The following ASPM variants were observed in gnomAD, a reference collection of about 807,000 sequenced individuals.
The protein encoded by ASPM is abnormal spindle-like microcephaly-associated protein.
Under a neutral mutation model 366.4 loss-of-function variants are expected in ASPM, and 256 were observed. That is an observed-to-expected ratio of 0.70 (90% CI 0.63 to 0.77). ASPM has a LOEUF of 0.77. Among genes scored for constraint, ASPM ranks in the 30% least tolerant of loss-of-function variants. The pLI, the probability that ASPM is intolerant of heterozygous loss-of-function variation, is 0.00. For missense variants in ASPM, 4,146 were observed against 4,090.4 expected, an observed-to-expected ratio of 1.01 and a Z score of -0.37; for synonymous variants, 1,414 against 1,342.9, an observed-to-expected ratio of 1.05 and a Z score of -1.16.
At chr1:197,093,336 T>C in intron 20 of ASPM, 75 bp from the exon 21 acceptor site, 4 of 1,146,648 alleles carry the variant, frequency 3.5e-6, no homozygotes, top group Non-Finnish European at 5.2e-6. Flanking sequence ...AGTTCTTGAA[T>C]TTCTCAATGA....
At chr1:197,089,273 T>C (rs1314992688) in intron 25 of ASPM, among the ~76,000 whole-genome samples, 1 of 151,976 alleles carries the variant, frequency 6.6e-6, no homozygotes, top group African/African-American at 2.4e-5. Context: ...CACTGAAAGG[T>C]TGAGTAGGAA....
At chr1:197,131,378 T>A (rs1328101500) in intron 7 of ASPM, among the ~76,000 whole-genome samples, 5 of 152,158 alleles carry the variant, frequency 3.3e-5, no homozygotes, top group African/African-American at 1.2e-4. Flanking sequence ...AATAAAAATG[T>A]CTTTAAACAG....
At chr1:197,125,333 A>C in intron 10 of ASPM, 142 bp from the exon 11 acceptor site, 1 of 1,037,122 alleles carries the variant, frequency 9.6e-7, no homozygotes, top group Non-Finnish European at 1.4e-6. Context: ...ACTATCTCAA[A>C]ACTCTGTTGC....
At chr1:197,141,718 CG>C (rs1557964524) in intron 3 of ASPM, among the ~76,000 whole-genome samples, 1 of 152,058 alleles carries the variant, frequency 6.6e-6, no homozygotes, top group Non-Finnish European at 1.5e-5. Flanking sequence ...CAGGACTGAA[CG>C]CAACTTGAGG....
chr1:197,110,800 C>T (rs955508065), intron 17 of ASPM, among the ~76,000 whole-genome samples: 3 of 152,040 alleles, frequency 2.0e-5, no homozygotes, highest in Non-Finnish European at 4.4e-5. Context: ...AAAAATAAAA[C>T]CACATACCTA....
At chr1:197,131,497 T>C (rs1658251419) in intron 7 of ASPM, among the ~76,000 whole-genome samples, 1 of 152,000 alleles carries the variant, frequency 6.6e-6, no homozygotes, top group African/African-American at 2.4e-5. Flanking sequence ...TTATGAGTAC[T>C]ATTTAATCAG....
intron 4 of ASPM, chr1:197,139,423 C>T (rs940875777): frequency 7.2e-6 from 4 of 555,292 alleles, no homozygotes; most frequent in Admixed American, 6.3e-5. Flanking sequence ...GGTGAAACCC[C>T]GTCTCCACTA....
chr1:197,112,842 T>C (rs994608881), intron 17 of ASPM, among the ~76,000 whole-genome samples: 1 of 152,144 alleles, frequency 6.6e-6, no homozygotes, highest in Non-Finnish European at 1.5e-5. Flanking sequence ...TGGGCACATG[T>C]CAAGACTTCC....
rs766267818 is a variant in ASPM at position 197,101,257 on chromosome 1, C to T, written c.7994G>A (p.Arg2665His). ...CTGTATACAAATAACTGCTTGGGTACGCACTGCAGTTAGTTTTCTGTATCT... is the reference window on the plus strand; with the variant it reads ...CTGTATACAAATAACTGCTTGGGTATGCACTGCAGTTAGTTTTCTGTATCT... Reference protein sequence around the residue: ...QRRYRKLTAVRTQAVICIQSY... With the variant: ...QRRYRKLTAVHTQAVICIQSY... Residue 2665 changes from arginine (R) to histidine (H), a missense_variant, in exon 18 of 28, where the codon CGT becomes CAT. This residue lies in a region of ASPM where 3,624 missense variants were observed against 3,591.7 expected (regional missense o/e 1.01). Transcript: ENST00000367409. 6.8e-6 allele frequency: 11 copies of T among 1,611,616 alleles called. No homozygotes were observed. Among genetic ancestry groups the T allele is most frequent in the East Asian group, 2.2e-5 (1 of 44,744 alleles).
Position 197,103,811 on chromosome 1 carries a change from C to T in ASPM, c.5440G>A (p.Gly1814Ser), listed in dbSNP as rs527445401. 6.2e-6 allele frequency: 10 copies of T among 1,612,826 alleles called. No homozygotes were observed. The highest frequency in any genetic ancestry group is 1.3e-5 in the African/African-American group (1 of 74,830). The change falls in exon 18 of 28, where the codon GGT becomes AGT. Residue 1814 changes from glycine (G) to serine (S), a missense_variant. This residue lies in a region of ASPM where 3,624 missense variants were observed against 3,591.7 expected (regional missense o/e 1.01). Coordinates refer to ENST00000367409, the MANE Select transcript of ASPM (RefSeq NM_018136.5). ...AATCLQAAYR[G>S]YKVRQLIKQQ... The stretch of plus-strand genomic sequence containing the variant: ...TTGATTAGCTGGCGTACTTTATAAC[C>T]TCTGTAAGCTGCTTGCAAGCAAGTA...
intron 26 of ASPM, 99 bp from the exon 27 acceptor site, chr1:197,087,071 A>T: frequency 8.5e-7 from 1 of 1,173,946 alleles, no homozygotes; most frequent in Non-Finnish European, 1.2e-6. Context: ...TATGCAGTAA[A>T]CCTTTTTTTT....
intron 17 of ASPM, among the ~76,000 whole-genome samples, chr1:197,109,449 T>C (rs1481129961): frequency 6.6e-6 from 1 of 152,096 alleles, no homozygotes; most frequent in Admixed American, 6.6e-5. Context: ...AACCCAAATC[T>C]ATGTGATAAA....
rs1217407116 is a variant in ASPM at position 197,089,914 on chromosome 1, TAAA to T, written c.9984+13_9984+15del. 2.5e-5 allele frequency: 40 copies of T among 1,610,046 alleles called. No homozygotes were observed. Among genetic ancestry groups the T allele is most frequent in the Non-Finnish European group, 3.1e-5 (37 of 1,176,812 alleles). On this transcript the variant is annotated intron_variant, in intron 25 of 27. Coordinates refer to ENST00000367409, the MANE Select transcript of ASPM (RefSeq NM_018136.5). ...TGTTGACCAGTGAATATCTCATTAA[TAAA>T]ATGAAAAACTACCTTAGATACATTA...
chr1:197,139,699 TG>T (rs1571627588), intron 4 of ASPM, 67 bp downstream of exon 4: 2 of 1,181,260 alleles, frequency 1.7e-6, no homozygotes, highest in East Asian at 4.7e-5. Flanking sequence ...TTCATTTCCA[TG>T]TGAAATGCAA....
In ASPM at chr1:197,102,460, A is replaced by C; in HGVS notation, c.6791T>G (p.Ile2264Arg). The change falls in exon 18 of 28, where the codon ATA (isoleucine) becomes AGA (arginine). Residue 2264 changes from isoleucine (I) to arginine (R), a missense_variant. Physicochemically the swap from Ile to Arg is moderately conservative, Grantham distance 97. Around this residue, in one of 3 missense-constraint regions of ASPM, gnomAD observed 3,624 missense variants for 3,591.7 expected, o/e 1.01. Coordinates refer to ENST00000367409, the MANE Select transcript of ASPM (RefSeq NM_018136.5). ...TCTCCTCTGAATGAGAGTTGCGGCT[A>C]TATGCATCATTTTTAAATGTCTTCT... ...KARRHLKMMHIAATLIQRRFR... is the reference protein window; with the variant it reads ...KARRHLKMMHRAATLIQRRFR... The C allele has an allele frequency of 6.2e-7, 1 of 1,612,556 alleles. No homozygotes were observed. The highest frequency in any genetic ancestry group is 8.5e-7 in the Non-Finnish European group (1 of 1,179,156).
rs1399056791 is a variant in ASPM, at chr1:197,143,979, G to C, written c.419C>G (p.Ala140Gly). The C allele has an allele frequency of 6.2e-7, 1 of 1,607,104 alleles. No homozygotes were observed. Among genetic ancestry groups the C allele is most frequent in the South Asian group, 1.1e-5 (1 of 90,842 alleles). The change falls in exon 2 of 28, where the codon GCA becomes GGA. Residue 140 changes from alanine to glycine, a missense_variant. By Grantham distance (60) the Ala-to-Gly change is moderately conservative. This residue lies in a region of ASPM where 512 missense variants were observed against 471.7 expected (regional missense o/e 1.09). Coordinates refer to ENST00000367409, the MANE Select transcript of ASPM (RefSeq NM_018136.5). ...TACCTTTTTCTTTTTCTGCTCTTCTGCATTTCCTAGTAATATAGCTTGGTG... is the reference window on the plus strand; with the variant it reads ...TACCTTTTTCTTTTTCTGCTCTTCTCCATTTCCTAGTAATATAGCTTGGTG... The part of the protein sequence containing the change: ...LKHQAILLGN[A>G]EEQKKKKRSL...
intron 3 of ASPM, among the ~76,000 whole-genome samples, chr1:197,140,360 T>C (rs1658543663): frequency 6.6e-6 from 1 of 152,182 alleles, no homozygotes; most frequent in African/African-American, 2.4e-5. Context: ...ACGTAGGAAA[T>C]GACATACAAG....
chr1:197,127,182 T>C (rs574758576), intron 10 of ASPM, among the ~76,000 whole-genome samples: 16 of 152,320 alleles, frequency 1.1e-4, no homozygotes, highest in African/African-American at 3.8e-4. Flanking sequence ...AAGTTATCTC[T>C]AGTCGAAACA....
Position 197,096,127 on chromosome 1 carries a change from CATAA to C in ASPM, c.8854_8857del (p.Leu2952ValfsTer3), listed in dbSNP as rs1247058817. ...AATCTTGCAGGCAGCTTTCACTTTACATAAATATTTCTTGGCTCTATATCTCCTC... is the reference window on the plus strand; with the variant it reads ...AATCTTGCAGGCAGCTTTCACTTTACATATTTCTTGGCTCTATATCTCCTC... On this transcript the variant is annotated frameshift_variant, in exon 19 of 28. Transcript: ENST00000367409. LOFTEE classifies it high-confidence loss of function. 3 of 1,608,810 alleles carry C rather than the reference CATAA, an allele frequency of 1.9e-6. No homozygotes were observed. Among genetic ancestry groups the C allele is most frequent in the African/African-American group, 1.3e-5 (1 of 74,648 alleles).
Sources: allele counts gnomAD v4.1 joint callset (sites outside exome capture counted in the v4.1 genomes callset), GRCh38; gene constraint gnomAD v4.1.1; regional missense constraint gnomAD v4.1.1; transcripts MANE v1.5; gene names NCBI Gene and HGNC (gene_info 2026-07-23, HGNC 2026-07-21).